Variants in ITGAE observed in about 807,000 individuals in gnomAD.
ITGAE encodes integrin alpha-E.
ITGAE carries 99 observed loss-of-function variants against 136.5 expected under a neutral mutation model. The observed-to-expected ratio is 0.73, with a 90% CI of 0.62 to 0.86. The LOEUF is 0.86. Ranked by LOEUF, ITGAE falls within the 40% of genes least tolerant of loss-of-function variation. The probability of loss-of-function intolerance (pLI) is 0.00; values close to 1 mark genes in which losing one functional copy is unlikely to be tolerated. For missense variants in ITGAE, 1,447 were observed against 1,515.3 expected, an observed-to-expected ratio of 0.95 and a Z score of 0.75; for synonymous variants, 613 against 591.8, an observed-to-expected ratio of 1.04 and a Z score of -0.52.
At chr17:3,750,575 G>A (rs2051840971) in intron 15 of ITGAE, 93 bp from the exon 16 acceptor site, 6 of 1,446,116 alleles carry the variant, frequency 4.1e-6, no homozygotes, top group African/African-American at 1.4e-5. Context: ...AGCATCGCAG[G>A]CACCATCCAG....
intron 21 of ITGAE, among the ~76,000 whole-genome samples, chr17:3,733,835 G>A (rs1317683826): frequency 6.6e-5 from 10 of 152,324 alleles, no homozygotes; most frequent in Admixed American, 3.9e-4. Flanking sequence ...TGATGGTAAA[G>A]CAGGGCTGAG....
chr17:3,725,887 A>G (rs2051198885), intron 26 of ITGAE: 1 of 1,612,422 alleles, frequency 6.2e-7, no homozygotes, highest in African/African-American at 1.3e-5. Context: ...CGAGACTTAC[A>G]CTGGGGGAAC....
intron 6 of ITGAE, 61 bp from the exon 7 acceptor site, chr17:3,760,348 T>C: frequency 1.0e-6 from 1 of 965,076 alleles, no homozygotes; most frequent in South Asian, 1.4e-5. Flanking sequence ...AAGGGTAGCA[T>C]GTGTAGGGCA....
At position 3,729,487 on chromosome 17, in the gene ITGAE, A is replaced by G; in HGVS notation, c.2903T>C (p.Val968Ala). 1 of 1,609,124 alleles carries G rather than the reference A, an allele frequency of 6.2e-7. No homozygotes were observed. Among genetic ancestry groups the G allele is most frequent in the Non-Finnish European group, 8.5e-7 (1 of 1,175,386 alleles). Reference protein sequence around the residue: ...TLQFRHGFVAVLSKPSIMYVN... With the variant: ...TLQFRHGFVAALSKPSIMYVN... ...TCTTGGGAGTACTCACTTGGACAGA[A>G]CTGCAACGAAGCCATGCCTGAATTG... The change falls in exon 24 of 31, where the codon GTT (valine) becomes GCT (alanine). Residue 968 changes from valine to alanine, a missense_variant. Val to Ala is a moderately conservative substitution (Grantham distance 64, BLOSUM62 0). This residue lies in a region of ITGAE where 1,031 missense variants were observed against 1,011.4 expected (regional missense o/e 1.02). Transcript: ENST00000263087.
intron 1 of ITGAE, among the ~76,000 whole-genome samples, chr17:3,795,016 A>C (rs965347037): frequency 2.5e-4 from 38 of 150,846 alleles, no homozygotes; most frequent in African/African-American, 9.3e-4. Context: ...CCTGCTCAGC[A>C]CTCTCCACCT....
In ITGAE at chr17:3,799,284, A is replaced by G. The variant is rs1427009729; in HGVS notation, c.34+1827T>C. Among the ~76,000 whole-genome samples the G allele has an allele frequency of 6.6e-6, 1 of 151,950 alleles. No homozygotes were observed. The highest frequency in any genetic ancestry group is 2.4e-5 in the African/African-American group (1 of 41,354). ...CAGCAGCCTCGTTTCCGCCACCCACACCGGAGCTGCGGGGGCCCTGCTCTG... is the reference window on the plus strand; with the variant it reads ...CAGCAGCCTCGTTTCCGCCACCCACGCCGGAGCTGCGGGGGCCCTGCTCTG... On this transcript the variant is annotated intron_variant, in intron 1 of 30. Coordinates refer to ENST00000263087, the MANE Select transcript of ITGAE (RefSeq NM_002208.5). The surrounding 1 kb of genome is among the most constrained non-coding windows in gnomAD (Gnocchi z 4.1).
At chr17:3,725,608 GGCTGAACTCAGT>G (rs746087933) in intron 26 of ITGAE, 6 of 1,613,856 alleles carry the variant, frequency 3.7e-6, no homozygotes, top group Non-Finnish European at 5.1e-6. Flanking sequence ...GGCTTTATCG[GGCTGAACTCAGT>G]GCACTGTGTC....
At position 3,753,204 on chromosome 17, in the gene ITGAE, G is replaced by T. The variant is rs903418250; in HGVS notation, c.1668+86C>A. 9 of 1,459,446 alleles carry T rather than the reference G, an allele frequency of 6.2e-6. No homozygotes were observed. In the South Asian group the frequency reaches 7.9e-5, roughly 13 times the overall value. 90.4% of individuals were successfully genotyped at this position (1,459,446 alleles called of 1,614,324 possible). A position where few individuals can be genotyped will look rare whatever the true frequency, so the allele number is the denominator to read the frequency against. On this transcript the variant is annotated intron_variant, in intron 14 of 30. Transcript: ENST00000263087. ...TCACTGCCCACTGGTGCCAGGCAGG[G>T]CCAGGGCACTCCCAGCCTCCATCAC...
chr17:3,795,837 ATGTGTGCATCTGTG>A (rs1424533718), intron 1 of ITGAE, among the ~76,000 whole-genome samples: 1 of 126,780 alleles, frequency 7.9e-6, no homozygotes, highest in East Asian at 2.3e-4. Flanking sequence ...CTGTGTGTGC[ATGTGTGCATCTGTG>A]TGTGTGCATC....
At position 3,748,005 on chromosome 17, in the gene ITGAE, C is replaced by T. The variant is rs1046985750; in HGVS notation, c.2072G>A (p.Ser691Asn). The change falls in exon 17 of 31, where the codon AGC becomes AAC. Residue 691 changes from serine to asparagine, a missense_variant. Physicochemically the swap from Ser to Asn is conservative, Grantham distance 46 (BLOSUM62 1). Transcript: ENST00000263087. ...GCCGTTGAAGCCGATGGGCAGTGCG[C>T]TGGGGGTGAAGGCCATGGAGACCTT... is the stretch of plus-strand genomic sequence containing the variant. The part of the protein sequence containing the change: ...RLKVSMAFTP[S>N]ALPIGFNGVV... 6 of 1,613,326 alleles carry T rather than the reference C, an allele frequency of 3.7e-6. No individual in the cohort carries two copies. The African/African-American group carries it at 8.0e-5, about 22-fold the overall frequency.
intron 22 of ITGAE, among the ~76,000 whole-genome samples, chr17:3,731,536 T>G (rs549948955): frequency 5.3e-4 from 80 of 151,362 alleles, no homozygotes; most frequent in African/African-American, 1.9e-3. Context: ...GAGACGGGGT[T>G]TCACCATGTT....
chr17:3,743,980 G>C (rs2051652968), intron 18 of ITGAE, among the ~76,000 whole-genome samples: 1 of 151,094 alleles, frequency 6.6e-6, no homozygotes, highest in South Asian at 2.1e-4. Flanking sequence ...TGGGATTATA[G>C]GCGTAAGCCA....
chr17:3,738,305 T>G (rs1273895431), intron 20 of ITGAE, among the ~76,000 whole-genome samples: 1 of 151,794 alleles, frequency 6.6e-6, no homozygotes, highest in African/African-American at 2.4e-5. Context: ...CCAGTAGCTG[T>G]GATTACAGGC....
chr17:3,725,607 G>A (rs758962184), intron 26 of ITGAE: 9 of 1,613,860 alleles, frequency 5.6e-6, no homozygotes, highest in Admixed American at 3.3e-5. Flanking sequence ...AGGCTTTATC[G>A]GGCTGAACTC....
chr17:3,769,102 G>A (rs2143204165), intron 2 of ITGAE, among the ~76,000 whole-genome samples: 1 of 152,070 alleles, frequency 6.6e-6, no homozygotes, highest in East Asian at 1.9e-4. Context: ...CCCCAGGAAG[G>A]GTGGGGTCAA....
At chr17:3,777,197 G>A (rs183768834) in intron 2 of ITGAE, among the ~76,000 whole-genome samples, 35 of 151,966 alleles carry the variant, frequency 2.3e-4, no homozygotes, top group South Asian at 2.1e-3. Context: ...TCCTGACCTC[G>A]TGATCCGCCC....
intron 26 of ITGAE, chr17:3,726,550 G>A (rs975458810): frequency 5.5e-6 from 3 of 550,152 alleles, no homozygotes; most frequent in Non-Finnish European, 9.8e-6. Context: ...TAAACTAGCC[G>A]GGCACAGTGG....
intron 19 of ITGAE, among the ~76,000 whole-genome samples, chr17:3,740,372 TC>T (rs2051556039): frequency 6.6e-6 from 1 of 150,808 alleles, no homozygotes; most frequent in Non-Finnish European, 1.5e-5. Flanking sequence ...ATCTGTTTTT[TC>T]GGTTGTTTGT....
rs780518795 is a variant in ITGAE, at chr17:3,723,347, C to T, written c.3178G>A (p.Ala1060Thr). 6.2e-7 allele frequency: 1 copy of T among 1,613,814 alleles called. No individual in the cohort carries two copies. The highest frequency in any genetic ancestry group is 1.3e-5 in the African/African-American group (1 of 74,908). ...ACGGTGACATTTTCTTTATCTGAAG[C>T]GATGACACAGCTCACTGAATGCCAT... The part of the protein sequence containing the change: ...EEWHSVSCVI[A>T]SDKENVTVAA... Residue 1060 changes from alanine (A) to threonine (T), a missense_variant, in exon 28 of 31, where the codon GCT becomes ACT. Ala to Thr is a moderately conservative substitution (Grantham distance 58). Transcript: ENST00000263087.
Sources: allele counts gnomAD v4.1 joint callset (sites outside exome capture counted in the v4.1 genomes callset), GRCh38; gene constraint gnomAD v4.1.1; regional missense constraint gnomAD v4.1.1; non-coding constraint Gnocchi (gnomAD v3.1); transcripts MANE v1.5; gene names NCBI Gene and HGNC (gene_info 2026-07-23, HGNC 2026-07-21).